TAF4: variants seen among roughly 807,000 people sequenced by gnomAD.
The protein encoded by TAF4 is transcription initiation factor TFIID subunit 4.
Under a neutral mutation model 90.3 loss-of-function variants are expected in TAF4, and 9 were observed. The ratio of observed to expected loss-of-function variants is 0.10; its 90% confidence interval spans 0.06 to 0.17. TAF4 has a LOEUF of 0.17. TAF4 is among the 10% of genes least tolerant of loss of function. The pLI, the probability that TAF4 is intolerant of heterozygous loss-of-function variation, is 1.00. For synonymous variants in TAF4, 818 were observed against 638.9 expected (o/e 1.28, Z -4.23); for missense variants, 1,351 against 1,370.7 (o/e 0.99, Z 0.23).
At chr20:62,000,293 T>A (rs761489919) in intron 10 of TAF4, 39 bp from the exon 11 acceptor site, 1 of 1,604,344 alleles carries the variant, frequency 6.2e-7, no homozygotes, top group Non-Finnish European at 8.5e-7. Context: ...TTAAAATCAT[T>A]AAGCACAGTT....
intron 1 of TAF4, among the ~76,000 whole-genome samples, chr20:62,059,475 GGAAA>G (rs565945077): frequency 5.8e-4 from 88 of 152,330 alleles, no homozygotes; most frequent in African/African-American, 1.9e-3. Context: ...CGCAAGAATT[GGAAA>G]GAACAGCTGT....
intron 1 of TAF4, among the ~76,000 whole-genome samples, chr20:62,033,361 T>C (rs1371351637): frequency 6.6e-6 from 1 of 152,128 alleles, no homozygotes; most frequent in African/African-American, 2.4e-5. Context: ...AGGAAGGCAT[T>C]TGATACGATC....
chr20:61,999,431 G>A (rs2055684642), intron 11 of TAF4, among the ~76,000 whole-genome samples: 1 of 152,216 alleles, frequency 6.6e-6, no homozygotes, highest in Admixed American at 6.5e-5. Context: ...TTACAGCAAG[G>A]GCTAAGTGTG....
At chr20:62,029,382 A>C (rs1320418195) in intron 1 of TAF4, among the ~76,000 whole-genome samples, 1 of 152,144 alleles carries the variant, frequency 6.6e-6, no homozygotes, top group Non-Finnish European at 1.5e-5. Context: ...GTGGAGTAAC[A>C]AGGTAAACAG....
chr20:61,977,088 C>T (rs1226957092), intron 14 of TAF4, among the ~76,000 whole-genome samples: 2 of 150,710 alleles, frequency 1.3e-5, no homozygotes, highest in Non-Finnish European at 3.0e-5. Flanking sequence ...ACACACACGA[C>T]ACCGCCCAGC....
intron 1 of TAF4, among the ~76,000 whole-genome samples, chr20:62,050,930 G>A (rs1191764716): frequency 6.6e-6 from 1 of 152,140 alleles, no homozygotes. Context: ...CTGGGCACTG[G>A]GGAATCAGTG....
rs769041158 is a variant in TAF4 at position 62,003,898 on chromosome 20, G to A, written c.2224-20C>T. The A allele has an allele frequency of 3.3e-5, 51 of 1,533,228 alleles. No homozygotes were observed. The highest frequency in any genetic ancestry group is 4.1e-5 in the Non-Finnish European group (47 of 1,144,414). 95.0% of individuals were successfully genotyped at this position (1,533,228 alleles called of 1,614,324 possible). On this transcript the variant is annotated intron_variant, in intron 7 of 14. Transcript: ENST00000252996. ...GATGACCTGAGGCAGAGCCAGCAGA[G>A]AATGGTGAGCATGCTCCCCGAGGGC...
Position 62,026,613 on chromosome 20 carries a change from G to A in TAF4, c.1361-11906C>T, listed in dbSNP as rs570108535. Among the ~76,000 whole-genome samples the A allele has an allele frequency of 3.7e-4, 56 of 152,238 alleles. No homozygotes were observed. The South Asian group carries it at 0.011, about 29-fold the overall frequency. On this transcript the variant is annotated intron_variant, in intron 1 of 14. Transcript: ENST00000252996. ...ACAAAGCCGCAGGTGGACAGACTGCGCGCACCCTCCACACCCTCTGGAAAG... is the reference window on the plus strand; with the variant it reads ...ACAAAGCCGCAGGTGGACAGACTGCACGCACCCTCCACACCCTCTGGAAAG...
At chr20:62,063,950 C>T (rs1318866357) in intron 1 of TAF4, among the ~76,000 whole-genome samples, 1 of 152,228 alleles carries the variant, frequency 6.6e-6, no homozygotes. Flanking sequence ...GAGGCTCGAG[C>T]CCAGGGTCAC....
At chr20:61,989,477 C>A (rs1393469376) in intron 14 of TAF4, among the ~76,000 whole-genome samples, 4 of 152,018 alleles carry the variant, frequency 2.6e-5, no homozygotes, top group Non-Finnish European at 4.4e-5. Flanking sequence ...TCCCGGCACC[C>A]ACAGCACTGC....
intron 1 of TAF4, among the ~76,000 whole-genome samples, chr20:62,046,960 C>G (rs2055996916): frequency 6.6e-6 from 1 of 152,168 alleles, no homozygotes; most frequent in Non-Finnish European, 1.5e-5. Flanking sequence ...ACTCTGGACA[C>G]CAGTTCTTTG....
chr20:62,006,247 TC>T lies in TAF4; in HGVS notation c.2223+262del. The T allele has an allele frequency of 2.6e-6, 1 of 378,966 alleles. No individual in the cohort carries two copies. Among genetic ancestry groups the T allele is most frequent in the Non-Finnish European group, 4.6e-6 (1 of 218,458 alleles). The allele number at this position is 378,966 out of a possible 1,614,324, so 23.5% of individuals were successfully genotyped here. A position where few individuals can be genotyped will look rare whatever the true frequency, so the allele number is the denominator to read the frequency against. On this transcript the variant is annotated intron_variant, in intron 7 of 14. Coordinates refer to ENST00000252996, the MANE Select transcript of TAF4 (RefSeq NM_003185.4). This position sits in a 1 kb window ranked among gnomAD's most constrained non-coding sequence, Gnocchi z 7.0. ...GCTGCATTCATTTACACCAGTAACA[TC>T]CCCAGACAAGGCAGGGCGGGGACGT...
intron 1 of TAF4, among the ~76,000 whole-genome samples, chr20:62,056,462 A>T (rs1344151399): frequency 6.6e-6 from 1 of 152,200 alleles, no homozygotes; most frequent in Non-Finnish European, 1.5e-5. Flanking sequence ...AAAGCCTTGA[A>T]AATGCTCAAC....
chr20:62,051,900 A>G (rs1172750584), intron 1 of TAF4, among the ~76,000 whole-genome samples: 2 of 152,158 alleles, frequency 1.3e-5, no homozygotes, highest in Middle Eastern at 3.2e-3. Flanking sequence ...GACATGCTCC[A>G]TTCTGGATAT....
At chr20:62,014,484 C>T in intron 2 of TAF4, 63 bp downstream of exon 2, 1 of 1,501,446 alleles carries the variant, frequency 6.7e-7, no homozygotes. Flanking sequence ...GTTTCCCCAG[C>T]ATGCGTGGGG....
intron 9 of TAF4, among the ~76,000 whole-genome samples, chr20:62,002,065 A>C (rs957468042): frequency 3.3e-5 from 5 of 152,198 alleles, no homozygotes; most frequent in Non-Finnish European, 7.4e-5. Context: ...GCCAGCCCAC[A>C]GGGGTCACTC....
chr20:62,034,245 T>TTGAA (rs2055920058), intron 1 of TAF4, among the ~76,000 whole-genome samples: 1 of 152,050 alleles, frequency 6.6e-6, no homozygotes, highest in Non-Finnish European at 1.5e-5. Flanking sequence ...AATGGAAGAG[T>TTGAA]TGAAGAGTGC....
intron 12 of TAF4, 133 bp downstream of exon 12, chr20:61,998,850 A>T: frequency 8.9e-7 from 1 of 1,125,234 alleles, no homozygotes; most frequent in East Asian, 2.4e-5. Context: ...CACTGACAGC[A>T]CCCATCACCT....
intron 1 of TAF4, among the ~76,000 whole-genome samples, chr20:62,038,924 G>A (rs62207126): frequency 0.13 from 19,163 of 152,038 alleles, 1,522 homozygotes; most frequent in East Asian, 0.44. Context: ...GTGGTGGCAC[G>A]TGCCTGTAAT....
Sources: allele counts gnomAD v4.1 joint callset (sites outside exome capture counted in the v4.1 genomes callset), GRCh38; gene constraint gnomAD v4.1.1; non-coding constraint Gnocchi (gnomAD v3.1); transcripts MANE v1.5; gene names NCBI Gene and HGNC (gene_info 2026-07-23, HGNC 2026-07-21).